FNBP1: variants seen among roughly 807,000 people sequenced by gnomAD.
FNBP1 encodes formin-binding protein 1.
A neutral mutation model predicts 90.6 loss-of-function variants in FNBP1; 26 were observed. The observed-to-expected ratio is 0.29, with a 90% CI of 0.21 to 0.40. FNBP1 has a LOEUF of 0.40. FNBP1 is among the 10% of genes least tolerant of loss of function. FNBP1 has a pLI of 1.00. For missense variants in FNBP1, 635 were observed against 768.0 expected, an observed-to-expected ratio of 0.83 and a Z score of 2.05; for synonymous variants, 260 against 265.2, an observed-to-expected ratio of 0.98 and a Z score of 0.19.
Position 129,948,356 on chromosome 9 carries a change from C to CTTTTTTTTTTTTTTTTT in FNBP1, c.513+8987_513+9003dup, listed in dbSNP as rs71385491. On this transcript the variant is annotated intron_variant, in intron 6 of 16. Coordinates refer to ENST00000446176, the MANE Select transcript of FNBP1 (RefSeq NM_015033.3). ...TCATACAAAACACCTATTTTGGTGTCTTTTTTTTTTTTTTTTTTTTTTTTT... is the reference window on the plus strand; with the variant it reads ...TCATACAAAACACCTATTTTGGTGTCTTTTTTTTTTTTTTTTTTTTTTTTTTTTTTTTTTTTTTTTTT... Among the ~76,000 whole-genome samples the CTTTTTTTTTTTTTTTTT allele has an allele frequency of 2.5e-4, 16 of 64,478 alleles. 1 individual carries two copies. The highest frequency in any genetic ancestry group is 4.9e-4 in the African/African-American group (7 of 14,224). The allele number at this position is 64,478 out of a possible 152,430, so 42.3% of individuals were successfully genotyped here.
intron 1 of FNBP1, among the ~76,000 whole-genome samples, chr9:130,017,706 T>C (rs1331257342): frequency 6.6e-6 from 1 of 151,566 alleles, no homozygotes; most frequent in Admixed American, 6.6e-5. Context: ...GGTGGGTGCC[T>C]GTAGTCCCAG....
intron 8 of FNBP1, among the ~76,000 whole-genome samples, 174 bp from the exon 9 acceptor site, chr9:129,925,331 C>G (rs1437136830): frequency 6.6e-6 from 1 of 151,884 alleles, no homozygotes; most frequent in Non-Finnish European, 1.5e-5. Flanking sequence ...ATGGTGAAAC[C>G]CCGTCTCTAC....
intron 10 of FNBP1, chr9:129,919,200 T>A (rs1564327506): frequency 7.7e-7 from 1 of 1,303,776 alleles, no homozygotes; most frequent in Non-Finnish European, 1.0e-6. Flanking sequence ...GGTTTCCCTA[T>A]CGTCCTCTTC....
At chr9:129,924,799 C>A (rs540756131) in intron 9 of FNBP1, among the ~76,000 whole-genome samples, 161 bp downstream of exon 9, 2 of 152,112 alleles carry the variant, frequency 1.3e-5, no homozygotes, top group African/African-American at 4.8e-5. Context: ...GGCAAAGATA[C>A]CACCACCAAA....
At chr9:129,946,520 T>C (rs765826226) in intron 6 of FNBP1, among the ~76,000 whole-genome samples, 3 of 152,174 alleles carry the variant, frequency 2.0e-5, no homozygotes, top group Non-Finnish European at 4.4e-5. Context: ...GGCCATCCAG[T>C]ACTCAGAATT....
At chr9:129,924,468 T>C (rs1160203077) in intron 9 of FNBP1, among the ~76,000 whole-genome samples, 1 of 152,260 alleles carries the variant, frequency 6.6e-6, no homozygotes, top group Non-Finnish European at 1.5e-5. Flanking sequence ...AATGCTGCCT[T>C]GATCATATTC....
At chr9:130,035,005 A>G (rs2059180566) in intron 1 of FNBP1, among the ~76,000 whole-genome samples, 1 of 152,146 alleles carries the variant, frequency 6.6e-6, no homozygotes, top group East Asian at 1.9e-4. Flanking sequence ...AAAAATTAGC[A>G]GAGTGTGGTG....
intron 6 of FNBP1, among the ~76,000 whole-genome samples, chr9:129,954,785 T>A (rs1460191894): frequency 6.6e-6 from 1 of 151,998 alleles, no homozygotes; most frequent in Admixed American, 6.6e-5. Context: ...TCACCTGAGG[T>A]CAGGAGTTTG....
chr9:129,925,612 T>C (rs1445417055), intron 8 of FNBP1, among the ~76,000 whole-genome samples: 1 of 42,292 alleles, frequency 2.4e-5, no homozygotes, highest in African/African-American at 7.9e-5. Context: ...TTTTTTTTTT[T>C]TGAGACAGTC....
intron 10 of FNBP1, chr9:129,919,181 G>C (rs552510534): frequency 1.5e-6 from 2 of 1,301,448 alleles, no homozygotes; most frequent in Non-Finnish European, 2.0e-6. Context: ...AGCCTCAAAG[G>C]CATACGTGGG....
At chr9:129,974,814 C>G (rs780482195) in intron 4 of FNBP1, among the ~76,000 whole-genome samples, 1 of 148,778 alleles carries the variant, frequency 6.7e-6, no homozygotes, top group Non-Finnish European at 1.5e-5. Context: ...GAGCCATGAT[C>G]GCACCACTGC....
chr9:129,927,345 C>T lies in FNBP1; in HGVS notation c.643-4G>A, dbSNP rs1445212388. The T allele has an allele frequency of 6.2e-7, 1 of 1,608,808 alleles. No individual in the cohort carries two copies. Among genetic ancestry groups the T allele is most frequent in the Admixed American group, 1.7e-5 (1 of 59,406 alleles). On this transcript the variant is annotated splice_region_variant and splice_polypyrimidine_tract_variant and intron_variant, in intron 7 of 16. Transcript: ENST00000446176. The stretch of plus-strand genomic sequence containing the variant: ...TTTCCTCCATCTCTTGTATTTTCTG[C>T]AACATTAGATTTTGTATAAAGTAAG...
intron 4 of FNBP1, among the ~76,000 whole-genome samples, chr9:129,963,183 G>GT (rs974328034): frequency 6.6e-6 from 1 of 152,186 alleles, no homozygotes; most frequent in African/African-American, 2.4e-5. Flanking sequence ...GAAAGTGAAT[G>GT]TTTTAACAAA....
chr9:130,037,111 C>T (rs954574594), intron 1 of FNBP1, among the ~76,000 whole-genome samples: 1 of 150,764 alleles, frequency 6.6e-6, no homozygotes, highest in African/African-American at 2.4e-5. Flanking sequence ...AATCCCAGCA[C>T]TTTGGAAGGC....
At chr9:129,907,307 C>T (rs537871959) in intron 12 of FNBP1, among the ~76,000 whole-genome samples, 3 of 152,094 alleles carry the variant, frequency 2.0e-5, no homozygotes, top group African/African-American at 4.8e-5. Flanking sequence ...AATTGAAACA[C>T]GTAGTTTGTT....
At chr9:129,970,238 G>C (rs2049245183) in intron 4 of FNBP1, among the ~76,000 whole-genome samples, 1 of 130,990 alleles carries the variant, frequency 7.6e-6, no homozygotes, top group Non-Finnish European at 1.6e-5. Context: ...ACTGAGTCCT[G>C]TCTGTCACCC....
intron 1 of FNBP1, among the ~76,000 whole-genome samples, chr9:130,022,709 G>A (rs2057957542): frequency 1.3e-5 from 2 of 151,790 alleles, no homozygotes; most frequent in Non-Finnish European, 2.9e-5. Flanking sequence ...GTGGCCTGGT[G>A]TGCAGTATGC....
the FNBP1 span, among the ~76,000 whole-genome samples, chr9:130,049,597 G>A: frequency 2.3e-4 from 35 of 151,694 alleles, no homozygotes; most frequent in Non-Finnish European, 4.3e-4. Context: ...GCTACTTGGG[G>A]GCTTGAGGCA....
chr9:129,937,525 G>A (rs1287672850), intron 6 of FNBP1, among the ~76,000 whole-genome samples: 2 of 152,074 alleles, frequency 1.3e-5, no homozygotes, highest in Non-Finnish European at 2.9e-5. Context: ...GAGGCCAGGA[G>A]TTCAAGACCA....
Sources: gnomAD v4.1 joint callset for allele counts (sites outside exome capture counted in the v4.1 genomes callset) on GRCh38, gnomAD v4.1.1 for gene constraint, MANE v1.5 for transcripts, NCBI Gene and HGNC (gene_info 2026-07-23, HGNC 2026-07-21) for gene names.